The following OCA2 variants were observed in gnomAD, a reference collection of about 807,000 sequenced individuals.
OCA2 encodes OCA2 melanosomal transmembrane protein, also known as P protein.
A neutral mutation model predicts 100.2 loss-of-function variants in OCA2; 77 were observed. That is an observed-to-expected ratio of 0.77 (90% CI 0.64 to 0.93). The LOEUF is 0.93. Ranked by LOEUF, OCA2 falls within the 40% of genes least tolerant of loss-of-function variation. The probability of loss-of-function intolerance (pLI) is 0.00; values close to 1 mark genes in which losing one functional copy is unlikely to be tolerated. For synonymous variants in OCA2, 432 were observed against 439.2 expected (o/e 0.98, Z 0.21); for missense variants, 1,062 against 1,089.1 (o/e 0.98, Z 0.35).
intron 6 of OCA2, among the ~76,000 whole-genome samples, chr15:28,019,860 GCAGCTTTCACAAAGCT>G (rs1309203136): frequency 7.2e-5 from 11 of 152,260 alleles, no homozygotes; most frequent in African/African-American, 1.7e-4. Context: ...CCTCAGGCCT[GCAGCTTTCACAAAGCT>G]CAGCTTTCAC....
chr15:27,756,267 T>C (rs1325461693), intron 23 of OCA2, among the ~76,000 whole-genome samples: 6 of 152,362 alleles, frequency 3.9e-5, no homozygotes, highest in Admixed American at 3.9e-4. Flanking sequence ...GAGCCTAGCA[T>C]GTGGCAATTA....
chr15:27,817,117 G>A (rs1366263268), intron 23 of OCA2, among the ~76,000 whole-genome samples: 1 of 152,114 alleles, frequency 6.6e-6, no homozygotes, highest in Non-Finnish European at 1.5e-5. Context: ...CTATTTACCT[G>A]GAACCCACGC....
chr15:27,913,958 T>G (rs2140287944), intron 19 of OCA2, among the ~76,000 whole-genome samples: 2 of 149,290 alleles, frequency 1.3e-5, no homozygotes, highest in East Asian at 2.0e-4. Flanking sequence ...TTCAGGCCAA[T>G]ATCCCTGATG....
At chr15:27,797,226 T>C (rs1034173741) in intron 23 of OCA2, among the ~76,000 whole-genome samples, 2 of 152,084 alleles carry the variant, frequency 1.3e-5, no homozygotes, top group Non-Finnish European at 2.9e-5. Flanking sequence ...AAAATGTGGG[T>C]CAACAGGAAT....
At chr15:28,020,565 ACACAGGG>A (rs1365671616) in intron 6 of OCA2, among the ~76,000 whole-genome samples, 2 of 152,024 alleles carry the variant, frequency 1.3e-5, no homozygotes, top group African/African-American at 4.8e-5. Context: ...GGGGCCAGGA[ACACAGGG>A]CAAGTCTTGG....
intron 23 of OCA2, among the ~76,000 whole-genome samples, chr15:27,836,538 G>A (rs969054828): frequency 6.6e-6 from 1 of 152,116 alleles, no homozygotes. Flanking sequence ...ACCCTCAGGG[G>A]AAAAGAAAGT....
At chr15:27,977,694 G>A (rs1387778264) in intron 14 of OCA2, among the ~76,000 whole-genome samples, 1 of 152,190 alleles carries the variant, frequency 6.6e-6, no homozygotes, top group Non-Finnish European at 1.5e-5. Context: ...CCCCCTCAAT[G>A]GGGTGGTATT....
chr15:27,987,452 G>A (rs193298098), intron 11 of OCA2, among the ~76,000 whole-genome samples: 4 of 152,246 alleles, frequency 2.6e-5, no homozygotes, highest in African/African-American at 9.6e-5. Flanking sequence ...GGGTGTGGTG[G>A]CTCACGCCTG....
chr15:27,995,027 T>C (rs2041677105), intron 9 of OCA2, among the ~76,000 whole-genome samples: 1 of 152,108 alleles, frequency 6.6e-6, no homozygotes. Flanking sequence ...AGAAGGTCAT[T>C]ACCCACCCTC....
chr15:28,078,313 G>C (rs1324470198), intron 2 of OCA2, among the ~76,000 whole-genome samples: 1 of 152,106 alleles, frequency 6.6e-6, no homozygotes, highest in Non-Finnish European at 1.5e-5. Context: ...TCATCTCTGG[G>C]GTTGGTGATG....
intron 23 of OCA2, among the ~76,000 whole-genome samples, chr15:27,813,303 G>A (rs2034153589): frequency 6.6e-6 from 1 of 152,014 alleles, no homozygotes; most frequent in African/African-American, 2.4e-5. Flanking sequence ...TGGCCCAGAG[G>A]GCCTCTCTCC....
At chr15:27,953,705 T>C (rs1212056747) in intron 17 of OCA2, among the ~76,000 whole-genome samples, 1 of 152,094 alleles carries the variant, frequency 6.6e-6, no homozygotes, top group African/African-American at 2.4e-5. Context: ...TCATTCAAAT[T>C]TGCTCCTTCT....
intron 23 of OCA2, among the ~76,000 whole-genome samples, chr15:27,771,021 T>C (rs77107283): frequency 0.082 from 10,503 of 127,532 alleles, 758 homozygotes; most frequent in African/African-American, 0.19. Flanking sequence ...TCTTTTCTTC[T>C]TTCCTTCCCT....
intron 10 of OCA2, among the ~76,000 whole-genome samples, 194 bp downstream of exon 10, chr15:27,990,382 G>T (rs2041513584): frequency 6.6e-6 from 1 of 152,242 alleles, no homozygotes; most frequent in Admixed American, 6.5e-5. Flanking sequence ...ATGTGAGTGT[G>T]TGACAAAACC....
At chr15:27,900,884 T>C (rs186941407) in intron 19 of OCA2, among the ~76,000 whole-genome samples, 257 of 152,274 alleles carry the variant, frequency 1.7e-3, no homozygotes, top group African/African-American at 3.7e-3. Flanking sequence ...ATGGTTTGGG[T>C]CACCTCAACA....
the OCA2 span, among the ~76,000 whole-genome samples, chr15:27,719,508 A>G: frequency 6.6e-6 from 1 of 152,206 alleles, no homozygotes; most frequent in African/African-American, 2.4e-5. Context: ...ATATCCACAC[A>G]TACATGCACG....
intron 23 of OCA2, among the ~76,000 whole-genome samples, chr15:27,827,653 C>T (rs1026141453): frequency 4.6e-5 from 7 of 151,640 alleles, no homozygotes; most frequent in African/African-American, 1.5e-4. Context: ...AAGGCAGAAA[C>T]AAAATAATTT....
chr15:27,842,995 T>G (rs1190869308), intron 23 of OCA2, among the ~76,000 whole-genome samples: 2 of 152,200 alleles, frequency 1.3e-5, no homozygotes, highest in Non-Finnish European at 2.9e-5. Context: ...CCCTGGTTAT[T>G]ATTCCAAAGT....
intron 23 of OCA2, among the ~76,000 whole-genome samples, chr15:27,801,290 C>T (rs867610328): frequency 7.9e-5 from 12 of 152,042 alleles, no homozygotes; most frequent in African/African-American, 2.9e-4. Flanking sequence ...ATATGCCAGA[C>T]GTGGTGGTTC....
Sources: allele counts gnomAD v4.1 joint callset (sites outside exome capture counted in the v4.1 genomes callset), GRCh38; gene constraint gnomAD v4.1.1; transcripts MANE v1.5; gene names NCBI Gene and HGNC (gene_info 2026-07-23, HGNC 2026-07-21).